The following ATPAF2 variants were observed in gnomAD, a reference collection of about 807,000 sequenced individuals.
The protein encoded by ATPAF2 is ATP synthase mitochondrial F1 complex assembly factor 2.
Under a neutral mutation model 36.6 loss-of-function variants are expected in ATPAF2, and 30 were observed. The ratio of observed to expected loss-of-function variants is 0.82; its 90% CI spans 0.61 to 1.11. ATPAF2 has a LOEUF of 1.11. Ranked by LOEUF, ATPAF2 falls within the 50% of genes most tolerant of loss-of-function variation. The probability of loss-of-function intolerance (pLI) is 0.00; values close to 1 mark genes in which losing one functional copy is unlikely to be tolerated. For synonymous variants in ATPAF2, 140 were observed against 152.6 expected (o/e 0.92, Z 0.61); for missense variants, 321 against 372.3 (o/e 0.86, Z 1.13).
At chr17:18,035,054 C>T (rs1316658037) in intron 1 of ATPAF2, among the ~76,000 whole-genome samples, 2 of 151,782 alleles carry the variant, frequency 1.3e-5, no homozygotes, top group African/African-American at 4.8e-5. Flanking sequence ...CTGAGCAAGA[C>T]CCCATCTCTA....
At chr17:18,016,344 A>G, downstream of ATPAF2, 3 of 958,622 alleles carry the variant, frequency 3.1e-6, no homozygotes, top group Non-Finnish European at 4.7e-6. Flanking sequence ...CACTGAAGAC[A>G]ACATTGCCCA....
At chr17:18,017,196 AAAAAAAAAAAAAT>A (rs1353920776), downstream of ATPAF2, among the ~76,000 whole-genome samples, 239 of 148,484 alleles carry the variant, frequency 1.6e-3, 1 homozygote, top group African/African-American at 5.4e-3. Flanking sequence ...AAAAAAAAAA[AAAAAAAAAAAAAT>A]GTTCATGTAG....
At chr17:18,016,264 GGT>G, downstream of ATPAF2, 1 of 1,504,338 alleles carries the variant, frequency 6.6e-7, no homozygotes, top group South Asian at 1.2e-5. Flanking sequence ...ATCCTCCCTA[GGT>G]AGTGGATAGA....
intron 1 of ATPAF2, among the ~76,000 whole-genome samples, chr17:18,035,369 T>G (rs1368084470): frequency 1.3e-5 from 2 of 152,208 alleles, no homozygotes; most frequent in African/African-American, 4.8e-5. Context: ...AAAGTAGTAG[T>G]TGCCAAGGGA....
chr17:18,028,527 A>G, intron 2 of ATPAF2, 88 bp downstream of exon 2: 1 of 1,530,634 alleles, frequency 6.5e-7, no homozygotes, highest in Non-Finnish European at 9.0e-7. Context: ...GGATAATCGC[A>G]CCATGAAACC....
chr17:18,027,696 A>G (rs1176705418), intron 3 of ATPAF2, among the ~76,000 whole-genome samples: 2 of 151,722 alleles, frequency 1.3e-5, no homozygotes, highest in Non-Finnish European at 2.9e-5. Context: ...GGTGTGGACG[A>G]GGGGGCTGGT....
rs77426647 is a variant in ATPAF2, at chr17:18,020,822, G to T, written c.732+301C>A. 0.03 allele frequency: 11,210 copies of T among 368,768 alleles called. 210 individuals are homozygous for T. Among genetic ancestry groups the T allele is most frequent in the Middle Eastern group, 0.051 (52 of 1,026 alleles). The allele number at this position is 368,768 out of a possible 1,614,324, so 22.8% of individuals were successfully genotyped here. A position where few individuals can be genotyped will look rare whatever the true frequency, so the allele number is the denominator to read the frequency against. On this transcript the variant is annotated intron_variant, in intron 7 of 7. Transcript: ENST00000474627. ...GCTTCCCAAGTAGCTGAGACTACAGGTGCTAATTTTTGTATTTTTGTAGAG... is the reference window on the plus strand; with the variant it reads ...GCTTCCCAAGTAGCTGAGACTACAGTTGCTAATTTTTGTATTTTTGTAGAG...
At chr17:18,018,784 A>G (rs1313705245) in intron 7 of ATPAF2, 98 bp from the exon 8 acceptor site, 38 of 1,575,490 alleles carry the variant, frequency 2.4e-5, no homozygotes, top group Non-Finnish European at 3.1e-5. Context: ...GCTGAGGGCA[A>G]CAGGTTTGTA....
At position 18,019,147 on chromosome 17, in the gene ATPAF2, C is replaced by CCACACACACACACACA. The variant is rs138932269; in HGVS notation, c.733-477_733-462dup. Among the ~76,000 whole-genome samples the CCACACACACACACACA allele has an allele frequency of 6.6e-3, 894 of 135,620 alleles. 7 individuals carry two copies. Among genetic ancestry groups the CCACACACACACACACA allele is most frequent in the East Asian group, 0.025 (109 of 4,388 alleles). The allele number at this position is 135,620 out of a possible 152,430, so 89.0% of individuals were successfully genotyped here. On this transcript the variant is annotated intron_variant, in intron 7 of 7. Coordinates refer to ENST00000474627, the MANE Select transcript of ATPAF2 (RefSeq NM_145691.4). ...AGAGCAAGACCCTGTCTCAAAAACA[C>CCACACACACACACACA]CACACACACACACACACACACACAC... is the stretch of plus-strand genomic sequence containing the variant.
intron 1 of ATPAF2, among the ~76,000 whole-genome samples, chr17:18,031,648 C>T (rs1483642873): frequency 1.3e-5 from 2 of 151,886 alleles, no homozygotes; most frequent in Admixed American, 6.6e-5. Context: ...GGCGTGGTGG[C>T]GGGCGCCTGT....
intron 1 of ATPAF2, among the ~76,000 whole-genome samples, chr17:18,031,221 C>T (rs921115905): frequency 9.3e-5 from 13 of 139,950 alleles, no homozygotes; most frequent in Middle Eastern, 0.011. Context: ...GTGATCCGCC[C>T]ACCTCAGCCT....
At chr17:18,029,136 C>T (rs890937950) in intron 1 of ATPAF2, among the ~76,000 whole-genome samples, 2 of 152,234 alleles carry the variant, frequency 1.3e-5, no homozygotes, top group South Asian at 4.1e-4. Flanking sequence ...GGATACAGAG[C>T]TCCCAAGGGC....
downstream of ATPAF2, chr17:18,016,355 G>T: frequency 1.1e-6 from 1 of 917,858 alleles, no homozygotes. Context: ...ACATTGCCCA[G>T]AGACTTTAAA....
At chr17:18,031,035 C>A (rs993304045) in intron 1 of ATPAF2, among the ~76,000 whole-genome samples, 1 of 143,272 alleles carries the variant, frequency 7.0e-6, no homozygotes, top group Non-Finnish European at 1.5e-5. Context: ...TGCAGTGGCG[C>A]GATCTCGGTT....
chr17:18,018,795 T>C, intron 7 of ATPAF2, 109 bp from the exon 8 acceptor site: 1 of 1,539,140 alleles, frequency 6.5e-7, no homozygotes. Flanking sequence ...CAGGTTTGTA[T>C]CTTGCCAAAA....
chr17:18,019,383 C>T (rs543457992), intron 7 of ATPAF2, among the ~76,000 whole-genome samples: 1 of 152,374 alleles, frequency 6.6e-6, no homozygotes, highest in African/African-American at 2.4e-5. Flanking sequence ...TACACTTCCT[C>T]CCAGAAAGCC....
At chr17:18,027,959 A>C (rs973392564) in intron 3 of ATPAF2, 1 of 492,318 alleles carries the variant, frequency 2.0e-6, no homozygotes, top group African/African-American at 1.9e-5. Flanking sequence ...ATAGAAAATA[A>C]GAGAGCTGGG....
chr17:18,035,783 A>G (rs1479069452), intron 1 of ATPAF2, among the ~76,000 whole-genome samples: 1 of 152,244 alleles, frequency 6.6e-6, no homozygotes, highest in African/African-American at 2.4e-5. Context: ...CCTGATCTAC[A>G]GACTACATAA....
chr17:18,037,842 C>A (rs978612987), intron 1 of ATPAF2, among the ~76,000 whole-genome samples: 1 of 152,132 alleles, frequency 6.6e-6, no homozygotes, highest in Non-Finnish European at 1.5e-5. Context: ...TTGCTGTCAC[C>A]CTGGACACGT....
Sources: allele counts gnomAD v4.1 joint callset (sites outside exome capture counted in the v4.1 genomes callset), GRCh38; gene constraint gnomAD v4.1.1; transcripts MANE v1.5; gene names NCBI Gene and HGNC (gene_info 2026-07-23, HGNC 2026-07-21).